RANBP2: variants seen among roughly 807,000 people sequenced by gnomAD.
The protein encoded by RANBP2 is E3 SUMO-protein ligase RanBP2.
RANBP2 carries 57 observed loss-of-function variants against 303.6 expected under a neutral mutation model. The ratio of observed to expected loss-of-function variants is 0.19; its 90% CI spans 0.15 to 0.23. The LOEUF is 0.23. RANBP2 is among the 10% of genes least tolerant of loss of function. The pLI, the probability that RANBP2 is intolerant of heterozygous loss-of-function variation, is 1.00. For synonymous variants in RANBP2, 1,167 were observed against 1,301.5 expected, an observed-to-expected ratio of 0.90 and a Z score of 2.23; for missense variants, 3,138 against 3,780.8, an observed-to-expected ratio of 0.83 and a Z score of 4.46.
the RANBP2 span, among the ~76,000 whole-genome samples, chr2:109,375,336 G>A: frequency 5.9e-5 from 9 of 152,258 alleles, no homozygotes; most frequent in African/African-American, 2.2e-4. Context: ...CCGTCCCCAC[G>A]CCAGGACCCA....
the RANBP2 span, among the ~76,000 whole-genome samples, chr2:109,031,903 C>G: frequency 7.2e-6 from 1 of 139,388 alleles, no homozygotes; most frequent in Admixed American, 7.3e-5. Flanking sequence ...CCCCCCGCCA[C>G]CTTCTTCCCC....
chr2:109,593,408 A>ATTTTTTT, the RANBP2 span, among the ~76,000 whole-genome samples: 1 of 97,120 alleles, frequency 1.0e-5, no homozygotes, highest in Non-Finnish European at 2.1e-5. Context: ...GAGAGAAAGA[A>ATTTTTTT]CTTTTTTTTT....
At chr2:108,799,763 T>C in the RANBP2 span, among the ~76,000 whole-genome samples, 1 of 152,198 alleles carries the variant, frequency 6.6e-6, no homozygotes, top group South Asian at 2.1e-4. Context: ...CAGTGACTCC[T>C]TGTGCTATTT....
In RANBP2 at chr2:108,768,420, T is replaced by C. The variant is rs1677263597; in HGVS notation, c.7849+32T>C. 5.0e-6 allele frequency: 8 copies of C among 1,608,418 alleles called. No individual in the cohort carries two copies. In the East Asian group the frequency reaches 1.8e-4, roughly 36 times the overall value. On this transcript the variant is annotated intron_variant, in intron 20 of 28. Coordinates refer to ENST00000283195, the MANE Select transcript of RANBP2 (RefSeq NM_006267.5). Reference sequence around the variant, plus strand: ...ACTTTGTTGTTAAAGTTAAGCACAATTTTTCTTTCTTTTAATGTTTAGCTT... The same window carrying C: ...ACTTTGTTGTTAAAGTTAAGCACAACTTTTCTTTCTTTTAATGTTTAGCTT...
the RANBP2 span, among the ~76,000 whole-genome samples, chr2:109,441,678 AAC>A: frequency 2.0e-5 from 3 of 152,364 alleles, no homozygotes; most frequent in East Asian, 3.9e-4. Context: ...GAAAACCACA[AAC>A]ACAGTTTCAA....
the RANBP2 span, among the ~76,000 whole-genome samples, chr2:109,218,840 CACACACAA>C: frequency 4.0e-4 from 61 of 152,306 alleles, no homozygotes; most frequent in African/African-American, 1.4e-3. Flanking sequence ...TAATCAAACA[CACACACAA>C]ACACACAAAC....
the RANBP2 span, among the ~76,000 whole-genome samples, chr2:109,358,650 G>A: frequency 6.6e-6 from 1 of 152,170 alleles, no homozygotes; most frequent in Non-Finnish European, 1.5e-5. Context: ...TTGTTGTTGA[G>A]TTTTAAGAGT....
rs1695992653 is a variant in RANBP2 at position 108,740,480 on chromosome 2, A to G, written c.783-9A>G. 11 of 1,597,440 alleles carry G rather than the reference A, an allele frequency of 6.9e-6. No homozygotes were observed. In the East Asian group the frequency reaches 1.3e-4, roughly 19 times the overall value. On this transcript the variant is annotated splice_polypyrimidine_tract_variant and intron_variant, in intron 6 of 28. Coordinates refer to ENST00000283195, the MANE Select transcript of RANBP2 (RefSeq NM_006267.5). ...TGTGTATTATCTGTTTGATATTTTC[A>G]TATTACAGTTTTGATAGTGCTCTTC...
chr2:108,867,605 C>A, the RANBP2 span, among the ~76,000 whole-genome samples: 1 of 152,018 alleles, frequency 6.6e-6, no homozygotes, highest in Non-Finnish European at 1.5e-5. Context: ...CACACCATTC[C>A]TCCTTCCAAA....
At position 108,765,149 on chromosome 2, in the gene RANBP2, A is replaced by T; in HGVS notation, c.4610A>T (p.Glu1537Val). The T allele has an allele frequency of 1.2e-6, 2 of 1,613,998 alleles. No homozygotes were observed. Among genetic ancestry groups the T allele is most frequent in the Non-Finnish European group, 1.7e-6 (2 of 1,179,938 alleles). Residue 1537 changes from glutamate (E) to valine (V), a missense_variant, in exon 20 of 29, where the codon GAA (glutamate) becomes GTA (valine). Physicochemically the swap from Glu to Val is moderately radical, Grantham distance 121. Transcript: ENST00000283195. ...AGTAAAACTCTAAAAAGTGGATTTG[A>T]AGACATGTTTGCTAAGAAGGAAGGA... ...ETSKTLKSGF[E>V]DMFAKKEGQW...
chr2:108,731,282 C>T (rs913479219), intron 3 of RANBP2, 40 bp from the exon 4 acceptor site: 1 of 1,601,128 alleles, frequency 6.2e-7, no homozygotes, highest in African/African-American at 1.4e-5. Context: ...TACATACATA[C>T]AATTTATTTA....
chr2:109,706,594 A>G, the RANBP2 span, among the ~76,000 whole-genome samples: 19 of 152,320 alleles, frequency 1.2e-4, no homozygotes, highest in East Asian at 3.7e-3. Flanking sequence ...GATAGCCCAT[A>G]TAATTCTGTT....
the RANBP2 span, among the ~76,000 whole-genome samples, chr2:109,525,928 T>G: frequency 6.6e-6 from 1 of 152,122 alleles, no homozygotes; most frequent in Admixed American, 6.6e-5. Flanking sequence ...ATTGCTAATT[T>G]TCCCAGCTCA....
chr2:109,299,924 G>C, the RANBP2 span, among the ~76,000 whole-genome samples: 1 of 152,236 alleles, frequency 6.6e-6, no homozygotes, highest in East Asian at 1.9e-4. Flanking sequence ...TGCAGAGCCA[G>C]CTCTTAGCAA....
the RANBP2 span, among the ~76,000 whole-genome samples, chr2:109,233,694 T>C: frequency 2.0e-5 from 3 of 152,212 alleles, no homozygotes; most frequent in African/African-American, 7.2e-5. Context: ...CAGAGCTCTA[T>C]CCTTTTGGCT....
chr2:109,241,691 T>A, the RANBP2 span, among the ~76,000 whole-genome samples: 1 of 152,074 alleles, frequency 6.6e-6, no homozygotes, highest in African/African-American at 2.4e-5. Context: ...CCCCAGTCCC[T>A]GCAGTCCCTC....
At chr2:109,180,195 G>A in the RANBP2 span, among the ~76,000 whole-genome samples, 3 of 151,534 alleles carry the variant, frequency 2.0e-5, no homozygotes, top group African/African-American at 7.3e-5. Context: ...TACCTGTGCT[G>A]CCACTGAACC....
At chr2:109,195,842 C>A in the RANBP2 span, among the ~76,000 whole-genome samples, 1 of 152,174 alleles carries the variant, frequency 6.6e-6, no homozygotes, top group Non-Finnish European at 1.5e-5. Flanking sequence ...CGCCTGATCC[C>A]GGCATGGAGT....
the RANBP2 span, among the ~76,000 whole-genome samples, chr2:109,639,641 TA>T: frequency 6.6e-6 from 1 of 151,188 alleles, no homozygotes; most frequent in African/African-American, 2.4e-5. Flanking sequence ...TAAAAAAAAA[TA>T]AAAAAATGGG....
Sources: gnomAD v4.1 joint callset for allele counts (sites outside exome capture counted in the v4.1 genomes callset) on GRCh38, gnomAD v4.1.1 for gene constraint, MANE v1.5 for transcripts, NCBI Gene and HGNC (gene_info 2026-07-23, HGNC 2026-07-21) for gene names.